The following XKR6 variants were observed in gnomAD, a reference collection of about 807,000 sequenced individuals.
The protein encoded by XKR6 is XK related 6.
A neutral mutation model predicts 56.7 loss-of-function variants in XKR6; 22 were observed. The ratio of observed to expected loss-of-function variants is 0.39; its 90% CI spans 0.28 to 0.55. The LOEUF is 0.55. Among genes scored for constraint, XKR6 ranks in the 20% least tolerant of loss-of-function variants. The pLI, the probability that XKR6 is intolerant of heterozygous loss-of-function variation, is 0.66. For missense variants in XKR6, 852 were observed against 889.0 expected (o/e 0.96, Z 0.53); for synonymous variants, 524 against 387.8 (o/e 1.35, Z -4.13).
At chr8:10,982,415 C>T (rs574435606) in intron 1 of XKR6, among the ~76,000 whole-genome samples, 1 of 152,276 alleles carries the variant, frequency 6.6e-6, no homozygotes, top group Non-Finnish European at 1.5e-5. Flanking sequence ...GGCTTCAGGT[C>T]CCACCTCTAA....
intron 1 of XKR6, chr8:11,124,091 A>G: frequency 2.3e-6 from 1 of 441,418 alleles, no homozygotes; most frequent in Non-Finnish European, 4.6e-6. Flanking sequence ...TCCTACTAAC[A>G]TACTATATTT....
In XKR6 at chr8:11,200,460, G is replaced by A; in HGVS notation, c.764+116C>T. 3 of 1,262,906 alleles carry A rather than the reference G, an allele frequency of 2.4e-6. No homozygotes were observed. Among genetic ancestry groups the A allele is most frequent in the Non-Finnish European group, 3.0e-6 (3 of 988,120 alleles). The allele number at this position is 1,262,906 out of a possible 1,614,324, so 78.2% of individuals were successfully genotyped here. A position where few individuals can be genotyped will look rare whatever the true frequency, so the allele number is the denominator to read the frequency against. The stretch of plus-strand genomic sequence containing the variant: ...AGACGCCAGGGGCGGCGCGCGGCCG[G>A]TCCCTCCTTCGAGCCCCCCGCGCTG... On this transcript the variant is annotated intron_variant, in intron 1 of 2. Transcript: ENST00000416569. The surrounding 1 kb of genome is among the most constrained non-coding windows in gnomAD (Gnocchi z 6.4).
chr8:11,136,844 T>C (rs1250890615), intron 1 of XKR6: 4 of 152,234 alleles, frequency 2.6e-5, no homozygotes, highest in Admixed American at 2.6e-4. Flanking sequence ...CAAACTAAGA[T>C]ACCCACACAG....
At chr8:11,080,972 CA>C (rs1352582268) in intron 1 of XKR6, among the ~76,000 whole-genome samples, 1 of 152,190 alleles carries the variant, frequency 6.6e-6, no homozygotes, top group Non-Finnish European at 1.5e-5. Flanking sequence ...CAGGACATAT[CA>C]ATGGCAAATA....
At chr8:11,146,747 T>C (rs1289032942) in intron 1 of XKR6, among the ~76,000 whole-genome samples, 1 of 151,358 alleles carries the variant, frequency 6.6e-6, no homozygotes, top group Admixed American at 6.6e-5. Context: ...GATGAACAAA[T>C]AAAGAAAGTG....
chr8:10,902,610 C>G (rs1011727537), intron 2 of XKR6, among the ~76,000 whole-genome samples: 1 of 152,222 alleles, frequency 6.6e-6, no homozygotes, highest in Non-Finnish European at 1.5e-5. Flanking sequence ...ATGGTGGGAG[C>G]CTGTTCTGGT....
At chr8:11,172,641 C>T (rs973699214) in intron 1 of XKR6, among the ~76,000 whole-genome samples, 13 of 152,084 alleles carry the variant, frequency 8.5e-5, no homozygotes, top group Non-Finnish European at 1.6e-4. Flanking sequence ...TTACTGTTGC[C>T]GGGAATTGGT....
intron 1 of XKR6, among the ~76,000 whole-genome samples, chr8:11,054,146 T>C (rs1025634947): frequency 2.6e-5 from 4 of 152,140 alleles, no homozygotes; most frequent in Non-Finnish European, 5.9e-5. Context: ...CAGGTGTCAT[T>C]GCGGGTGGTT....
intron 1 of XKR6, among the ~76,000 whole-genome samples, chr8:10,968,083 T>C (rs564976820): frequency 1.3e-5 from 2 of 152,310 alleles, no homozygotes; most frequent in East Asian, 3.9e-4. Context: ...AGGGGCCTGT[T>C]GCTGCTCCCC....
At chr8:11,136,201 G>A (rs1242897930) in intron 1 of XKR6, among the ~76,000 whole-genome samples, 4 of 152,124 alleles carry the variant, frequency 2.6e-5, no homozygotes, top group Non-Finnish European at 4.4e-5. Context: ...CCATTACTAG[G>A]GACTGAATGT....
At chr8:11,026,445 AGTCTAGCCTACTACACACCTAGATG>A (rs1563353776) in intron 1 of XKR6, among the ~76,000 whole-genome samples, 9 of 63,874 alleles carry the variant, frequency 1.4e-4, no homozygotes, top group African/African-American at 8.1e-4. Context: ...ACACTTAGAT[AGTCTAGCCTACTACACACCTAGATG>A]GTCTAGCCTA....
At chr8:11,104,886 C>A (rs1252230037) in intron 1 of XKR6, 1 of 152,136 alleles carries the variant, frequency 6.6e-6, no homozygotes, top group Non-Finnish European at 1.5e-5. Flanking sequence ...GGTTTCAGTG[C>A]TTTTTCACAT....
At chr8:11,163,275 T>A (rs1394634620) in intron 1 of XKR6, among the ~76,000 whole-genome samples, 1 of 152,232 alleles carries the variant, frequency 6.6e-6, no homozygotes, top group Non-Finnish European at 1.5e-5. Context: ...GCATAAAGTA[T>A]AAGCATTGCA....
chr8:10,961,131 G>C (rs1178523097), intron 1 of XKR6, among the ~76,000 whole-genome samples: 1 of 152,142 alleles, frequency 6.6e-6, no homozygotes, highest in African/African-American at 2.4e-5. Context: ...TGGAGGGGAA[G>C]GCTGTGAGCG....
At chr8:11,160,224 G>A (rs565959921) in intron 1 of XKR6, among the ~76,000 whole-genome samples, 14 of 148,232 alleles carry the variant, frequency 9.4e-5, no homozygotes, top group African/African-American at 3.5e-4. Flanking sequence ...ATTCCTTATT[G>A]TTTCAGCCAG....
At chr8:11,068,016 C>T (rs1800024858) in intron 1 of XKR6, among the ~76,000 whole-genome samples, 1 of 152,236 alleles carries the variant, frequency 6.6e-6, no homozygotes. Context: ...ATTCTGAGCT[C>T]CCTGGGGTTC....
chr8:11,076,254 G>C (rs970777532), intron 1 of XKR6, among the ~76,000 whole-genome samples: 2 of 152,170 alleles, frequency 1.3e-5, no homozygotes, highest in East Asian at 3.8e-4. Context: ...AATGGGTGTG[G>C]ATTTTTAGTT....
chr8:11,080,249 A>G (rs1470907314), intron 1 of XKR6, among the ~76,000 whole-genome samples: 1 of 152,154 alleles, frequency 6.6e-6, no homozygotes, highest in Non-Finnish European at 1.5e-5. Context: ...CCCCATAATC[A>G]GAGAGCTTCA....
Position 10,998,069 on chromosome 8 carries a change from C to T in XKR6, c.765-73239G>A, listed in dbSNP as rs114072131. On this transcript the variant is annotated intron_variant, in intron 1 of 2. Coordinates refer to ENST00000416569, the MANE Select transcript of XKR6 (RefSeq NM_173683.4). ...GACACCTATGCGTGCAGCAGGACAA[C>T]AGGGGATTGGGGGTCACCAGCTCAC... Among the ~76,000 whole-genome samples, 1,088 of 152,182 alleles carry T rather than the reference C, an allele frequency of 7.1e-3. 14 individuals are homozygous for T. Among genetic ancestry groups the T allele is most frequent in the African/African-American group, 0.025 (1,035 of 41,514 alleles).
Sources: allele counts gnomAD v4.1 joint callset (sites outside exome capture counted in the v4.1 genomes callset), GRCh38; gene constraint gnomAD v4.1.1; non-coding constraint Gnocchi (gnomAD v3.1); transcripts MANE v1.5; gene names NCBI Gene and HGNC (gene_info 2026-07-23, HGNC 2026-07-21).